MYH13: variants seen among roughly 807,000 people sequenced by gnomAD.
The protein encoded by MYH13 is myosin heavy chain 13.
A neutral mutation model predicts 232.1 loss-of-function variants in MYH13; 177 were observed. That is an observed-to-expected ratio of 0.76 (90% confidence interval 0.67 to 0.86). The LOEUF (loss-of-function observed/expected upper bound fraction) is 0.86, where lower values mean the gene tolerates loss of function less well. Among genes scored for constraint, MYH13 ranks in the 40% least tolerant of loss-of-function variants. The pLI is 0.00. For synonymous variants in MYH13, 884 were observed against 923.5 expected (o/e 0.96, Z 0.78); for missense variants, 2,246 against 2,405.9 (o/e 0.93, Z 1.39).
chr17:10,349,064 C>T (rs1048274362), intron 12 of MYH13, among the ~76,000 whole-genome samples: 2 of 148,546 alleles, frequency 1.3e-5, no homozygotes, highest in East Asian at 2.0e-4. Flanking sequence ...CCTTCCTTTC[C>T]CTTCCCTTCC....
intron 18 of MYH13, among the ~76,000 whole-genome samples, chr17:10,334,315 A>G (rs1405731948): frequency 1.3e-5 from 2 of 152,274 alleles, no homozygotes; most frequent in South Asian, 2.1e-4. Context: ...AGACATCACT[A>G]TACAATTAGA....
In MYH13 at chr17:10,311,951, G is replaced by A; in HGVS notation, c.4491C>T (p.Asp1497=). Residue 1497 remains aspartate, a synonymous_variant, in exon 32 of 41, where the codon GAC becomes GAT. Coordinates refer to ENST00000252172, the MANE Select transcript of MYH13 (RefSeq NM_003802.3). The part of the protein sequence containing the change: ...KMRNAYEEVV[D]QLETLRRENK... ...TCTCTCGCCTCAGTGTCTCTAACTG[G>A]TCCACCACCTCCTCATAGGCATTCC... 1 of 1,613,934 alleles carries A rather than the reference G, an allele frequency of 6.2e-7. No individual in the cohort carries two copies. The highest frequency in any genetic ancestry group is 2.2e-5 in the East Asian group (1 of 44,872).
chr17:10,304,918 C>T lies in MYH13; in HGVS notation c.5467-1420G>A, dbSNP rs569816386. ...GATTGAAGCCAGGGAGGGGCAGCAG[C>T]CAGCTGCATGCTCCACTCCACTGGG... On this transcript the variant is annotated intron_variant, in intron 37 of 40. Transcript: ENST00000252172. This position sits in a 1 kb window ranked among gnomAD's most constrained non-coding sequence, Gnocchi z 5.3. 1.3e-5 allele frequency among the ~76,000 whole-genome samples: 2 copies of T among 152,174 alleles called. No individual in the cohort carries two copies. Among genetic ancestry groups the T allele is most frequent in the African/African-American group, 4.8e-5 (2 of 41,436 alleles).
chr17:10,308,570 T>C (rs1906376234), intron 35 of MYH13, among the ~76,000 whole-genome samples: 1 of 151,172 alleles, frequency 6.6e-6, no homozygotes, highest in African/African-American at 2.4e-5. Flanking sequence ...ATTTATATAA[T>C]TCACAATGGG....
chr17:10,307,166 C>A, intron 35 of MYH13, 102 bp from the exon 36 acceptor site: 1 of 1,443,118 alleles, frequency 6.9e-7, no homozygotes, highest in Non-Finnish European at 9.3e-7. Flanking sequence ...GATCCTGTTC[C>A]ATTTCTTATT....
intron 16 of MYH13, 36 bp from the exon 17 acceptor site, chr17:10,340,437 C>T: frequency 6.5e-7 from 1 of 1,546,336 alleles, no homozygotes; most frequent in Non-Finnish European, 8.8e-7. Context: ...TTAGATGCAT[C>T]CCAGAGGACC....
Position 10,301,517 on chromosome 17 carries a change from T to C in MYH13, c.5802+52A>G, listed in dbSNP as rs551401323. On this transcript the variant is annotated intron_variant, in intron 40 of 40. Transcript: ENST00000252172. ...GGCATTCGCTCTTACCTGGCCCCCA[T>C]ATTCAATATCTGTTCTTAGCTGGCC... 42 of 1,608,940 alleles carry C rather than the reference T, an allele frequency of 2.6e-5. No individual in the cohort carries two copies. The African/African-American group carries it at 2.9e-4, about 11-fold the overall frequency.
chr17:10,305,484 C>T (rs901264521), intron 37 of MYH13, among the ~76,000 whole-genome samples: 4 of 152,158 alleles, frequency 2.6e-5, no homozygotes, highest in Non-Finnish European at 5.9e-5. Flanking sequence ...TTTAATGGGA[C>T]CATGTGCCTG....
Position 10,306,269 on chromosome 17 carries a change from T to TGTGTGTGTGTG in MYH13, c.5466+189_5466+190insCACACACACAC, listed in dbSNP as rs1906282710. Among the ~76,000 whole-genome samples the TGTGTGTGTGTG allele has an allele frequency of 6.1e-4, 86 of 141,542 alleles. No homozygotes were observed. Among genetic ancestry groups the TGTGTGTGTGTG allele is most frequent in the South Asian group, 1.9e-3 (8 of 4,282 alleles). The allele number at this position is 141,542 out of a possible 152,430, so 92.9% of individuals were successfully genotyped here. ...GTGTGTGTGTGTGTGTGTGTGTGTG[T>TGTGTGTGTGTG]TTTGGGGCATAGGAACAGGTGAAAC... On this transcript the variant is annotated intron_variant, in intron 37 of 40. Coordinates refer to ENST00000252172, the MANE Select transcript of MYH13 (RefSeq NM_003802.3). The surrounding 1 kb of genome is among the most constrained non-coding windows in gnomAD (Gnocchi z 4.3).
Position 10,343,796 on chromosome 17 carries a change from T to G in MYH13, c.1894+4A>C, listed in dbSNP as rs1436769237. The stretch of plus-strand genomic sequence containing the variant: ...ACAGAGGGAAAGAAATGATAGAATT[T>G]TACCTGTCTCTGCACCAGCATAGTT... On this transcript the variant is annotated splice_donor_region_variant and intron_variant, in intron 16 of 40. Coordinates refer to ENST00000252172, the MANE Select transcript of MYH13 (RefSeq NM_003802.3). 1.3e-6 allele frequency: 2 copies of G among 1,583,376 alleles called. No individual in the cohort carries two copies. The highest frequency in any genetic ancestry group is 1.7e-6 in the Non-Finnish European group (2 of 1,163,714).
At position 10,362,377 on chromosome 17, in the gene MYH13, C is replaced by T; in HGVS notation, c.331G>A (p.Ala111Thr). ...AVLYNLKERY[A>T]AWMIYTYSGL... ...ACACTCACGTAGATCATCCAGGCTG[C>T]ATAGCGCTCTTTGAGGTTGTACAGA... The change falls in exon 4 of 41, where the codon GCA becomes ACA. Residue 111 changes from alanine (A) to threonine (T), a missense_variant. Transcript: ENST00000252172. 3 of 1,614,170 alleles carry T rather than the reference C, an allele frequency of 1.9e-6. No individual in the cohort carries two copies. In the South Asian group the frequency reaches 3.3e-5, roughly 18 times the overall value.
intron 12 of MYH13, among the ~76,000 whole-genome samples, chr17:10,350,158 A>C (rs748528313): frequency 1.3e-5 from 2 of 152,122 alleles, no homozygotes; most frequent in Non-Finnish European, 2.9e-5. Context: ...GAGGAACAAA[A>C]CTTGGCTCCC....
At chr17:10,353,076 C>T (rs887246806) in intron 11 of MYH13, among the ~76,000 whole-genome samples, 1 of 152,112 alleles carries the variant, frequency 6.6e-6, no homozygotes, top group African/African-American at 2.4e-5. Flanking sequence ...GCATATAACA[C>T]AAATGCTTCA....
intron 5 of MYH13, among the ~76,000 whole-genome samples, chr17:10,361,752 G>T (rs1019577545): frequency 1.3e-5 from 2 of 152,216 alleles, no homozygotes; most frequent in Non-Finnish European, 2.9e-5. Context: ...GTTTGGGGAA[G>T]AACGCAGGAA....
chr17:10,309,396 C>T lies in MYH13; in HGVS notation c.5007G>A (p.Glu1669=). Residue 1669 remains glutamate, a synonymous_variant, in exon 35 of 41, where the codon GAG becomes GAA. Coordinates refer to ENST00000252172, the MANE Select transcript of MYH13 (RefSeq NM_003802.3). Reference sequence around the variant, plus strand: ...CGATGGCCAGCTGCTCCTTGAGGTCCTCATTGCTCCTCAGGGCGTCATCGA... The same window carrying T: ...CGATGGCCAGCTGCTCCTTGAGGTCTTCATTGCTCCTCAGGGCGTCATCGA... ...LHLDDALRSN[E]DLKEQLAIVE... is the part of the protein sequence containing the mutation. The T allele has an allele frequency of 1.2e-6, 2 of 1,609,920 alleles. No individual in the cohort carries two copies. Among genetic ancestry groups the T allele is most frequent in the South Asian group, 1.1e-5 (1 of 90,216 alleles).
In MYH13 at chr17:10,306,987, G is replaced by A. The variant is rs990059671; in HGVS notation, c.5247C>T (p.Ile1749=). The part of the protein sequence containing the change: ...AQCQAEVENS[I]QESRNAEEKA... ...TCTCCTCTGCGTTCCTGGACTCCTGGATCGAGTTCTCCACCTCTGCCTGGC... is the reference window on the plus strand; with the variant it reads ...TCTCCTCTGCGTTCCTGGACTCCTGAATCGAGTTCTCCACCTCTGCCTGGC... Residue 1749 remains isoleucine, a synonymous_variant, in exon 36 of 41, where the codon ATC becomes ATT. Coordinates refer to ENST00000252172, the MANE Select transcript of MYH13 (RefSeq NM_003802.3). This position sits in a 1 kb window ranked among gnomAD's most constrained non-coding sequence, Gnocchi z 4.3. The A allele has an allele frequency of 6.2e-7, 1 of 1,613,876 alleles. No individual in the cohort carries two copies. Among genetic ancestry groups the A allele is most frequent in the African/African-American group, 1.3e-5 (1 of 74,914 alleles).
intron 39 of MYH13, among the ~76,000 whole-genome samples, 164 bp downstream of exon 39, chr17:10,303,032 A>G (rs1329068466): frequency 6.6e-6 from 1 of 152,022 alleles, no homozygotes; most frequent in African/African-American, 2.4e-5. Flanking sequence ...AAGGCTTAAC[A>G]TGGACCAGGA....
chr17:10,322,571 C>T (rs1025580631), intron 23 of MYH13, among the ~76,000 whole-genome samples: 3 of 151,772 alleles, frequency 2.0e-5, no homozygotes, highest in Non-Finnish European at 2.9e-5. Flanking sequence ...CTGAATCTGG[C>T]CATATTTTCT....
chr17:10,348,796 C>T (rs769063171), intron 12 of MYH13, among the ~76,000 whole-genome samples: 4 of 152,092 alleles, frequency 2.6e-5, no homozygotes, highest in Admixed American at 1.3e-4. Context: ...CAGCGGCTTC[C>T]GTGGCCTGCC....
Sources: allele counts gnomAD v4.1 joint callset (sites outside exome capture counted in the v4.1 genomes callset), GRCh38; gene constraint gnomAD v4.1.1; non-coding constraint Gnocchi (gnomAD v3.1); transcripts MANE v1.5; gene names NCBI Gene and HGNC (gene_info 2026-07-23, HGNC 2026-07-21).